Variants in CAPG observed in about 807,000 individuals in gnomAD.
The protein encoded by CAPG is capping actin protein, gelsolin like.
A neutral mutation model predicts 44.6 loss-of-function variants in CAPG; 32 were observed. That is an observed-to-expected ratio of 0.72 (90% CI 0.54 to 0.96). The LOEUF is 0.96. CAPG is among the 50% of genes least tolerant of loss of function. CAPG has a pLI of 0.00. For missense variants in CAPG, 412 were observed against 438.3 expected (o/e 0.94, Z 0.54); for synonymous variants, 175 against 179.6 (o/e 0.97, Z 0.20).
chr2:85,418,002 T>C (rs1479096052), intron 1 of CAPG, among the ~76,000 whole-genome samples: 1 of 152,174 alleles, frequency 6.6e-6, no homozygotes, highest in African/African-American at 2.4e-5. Context: ...CACGAGAGAC[T>C]TCCTCCCTCC....
chr2:85,393,994 GT>G (rs1158425076), downstream of CAPG, among the ~76,000 whole-genome samples: 2 of 152,218 alleles, frequency 1.3e-5, no homozygotes, highest in East Asian at 3.8e-4. Flanking sequence ...GGACCTGGGG[GT>G]GAGGATGAGT....
At chr2:85,400,313 C>CCT (rs779585651) in intron 5 of CAPG, among the ~76,000 whole-genome samples, 6 of 152,212 alleles carry the variant, frequency 3.9e-5, no homozygotes, top group Non-Finnish European at 8.8e-5. Context: ...CCAGGCAGAG[C>CCT]CCCTGTCACC....
chr2:85,417,311 G>T (rs1687577434), intron 1 of CAPG, among the ~76,000 whole-genome samples: 2 of 152,238 alleles, frequency 1.3e-5, no homozygotes, highest in South Asian at 4.2e-4. Context: ...TGAGGAAACA[G>T]AGATAAAGAG....
chr2:85,411,526 T>C (rs970573360), upstream of CAPG, among the ~76,000 whole-genome samples: 3 of 152,202 alleles, frequency 2.0e-5, no homozygotes, highest in Non-Finnish European at 4.4e-5. Context: ...GGACTCAGTA[T>C]GAGGCTCCAG....
At chr2:85,412,102 A>G (rs1197824017), upstream of CAPG, among the ~76,000 whole-genome samples, 1 of 151,976 alleles carries the variant, frequency 6.6e-6, no homozygotes, top group African/African-American at 2.4e-5. Flanking sequence ...TTTCTCATTG[A>G]AACGAAATTG....
chr2:85,395,477 G>A lies in CAPG; in HGVS notation c.981+61C>T. On this transcript the variant is annotated intron_variant, in intron 9 of 9. Transcript: ENST00000263867. The surrounding 1 kb of genome is among the most constrained non-coding windows in gnomAD (Gnocchi z 4.3). ...CTCCTGCCCTTCCTGGCCAATTTGA[G>A]GGGTCAGGGGCCACAGGAAGAGCCC... 7.1e-7 allele frequency: 1 copy of A among 1,404,136 alleles called. No individual in the cohort carries two copies. Among genetic ancestry groups the A allele is most frequent in the Middle Eastern group, 1.8e-4 (1 of 5,624 alleles). The allele number at this position is 1,404,136 out of a possible 1,614,324, so 87.0% of individuals were successfully genotyped here.
At chr2:85,393,832 G>A (rs1686472211), downstream of CAPG, among the ~76,000 whole-genome samples, 1 of 152,222 alleles carries the variant, frequency 6.6e-6, no homozygotes, top group Non-Finnish European at 1.5e-5. Flanking sequence ...CCAAAGTGCT[G>A]GGGTTATAGG....
Position 85,401,887 on chromosome 2 carries a change from C to G in CAPG, c.94G>C (p.Val32Leu). Residue 32 changes from valine (V) to leucine (L), a missense_variant, in exon 3 of 10, where the codon GTG becomes CTG. Transcript: ENST00000263867. Reference sequence around the variant, plus strand: ...CCCTGGTTCTCTTGCGCCACAGGCACCGGCTTCAGCTTCTCCACCCGCCAC... The same window carrying G: ...CCCTGGTTCTCTTGCGCCACAGGCAGCGGCTTCAGCTTCTCCACCCGCCAC... ...HVWRVEKLKP[V>L]PVAQENQGVF... is the part of the protein sequence containing the mutation. The G allele has an allele frequency of 6.2e-7, 1 of 1,614,078 alleles. No homozygotes were observed. The highest frequency in any genetic ancestry group is 8.5e-7 in the Non-Finnish European group (1 of 1,179,998).
downstream of CAPG, among the ~76,000 whole-genome samples, chr2:85,394,581 A>G (rs1468025044): frequency 1.3e-5 from 2 of 152,128 alleles, no homozygotes; most frequent in Admixed American, 6.5e-5. Context: ...CCACCTCCCT[A>G]TTGGGTTCAT....
intron 1 of CAPG, among the ~76,000 whole-genome samples, chr2:85,404,676 A>C (rs963141735): frequency 2.0e-5 from 3 of 152,126 alleles, no homozygotes; most frequent in African/African-American, 7.2e-5. Context: ...TGAACCCAGG[A>C]GGCAGAGGTT....
At chr2:85,393,501 G>T (rs1686459684), downstream of CAPG, among the ~76,000 whole-genome samples, 1 of 152,076 alleles carries the variant, frequency 6.6e-6, no homozygotes, top group Non-Finnish European at 1.5e-5. Context: ...CTTTGTGTAG[G>T]CTGTCAAGTA....
intron 8 of CAPG, 44 bp downstream of exon 8, chr2:85,397,976 G>A (rs748435743): frequency 1.9e-6 from 3 of 1,598,258 alleles, no homozygotes; most frequent in Non-Finnish European, 2.6e-6. Context: ...GCCCGGGTCA[G>A]AGCAGCTACA....
At chr2:85,410,096 C>T (rs902079916) in intron 1 of CAPG, among the ~76,000 whole-genome samples, 2 of 152,240 alleles carry the variant, frequency 1.3e-5, no homozygotes, top group African/African-American at 4.8e-5. Flanking sequence ...TCACAGCTGC[C>T]ATCAGATCAG....
In CAPG at chr2:85,396,936, G is replaced by A. The variant is rs542054531; in HGVS notation, c.892+1084C>T. ...ACCTTGGTTGACCCCACAACTGGGT[G>A]TTGAGCAAATGCTATTGCTGAAAAT... On this transcript the variant is annotated intron_variant, in intron 8 of 9. Coordinates refer to ENST00000263867, the MANE Select transcript of CAPG (RefSeq NM_001747.4). Among the ~76,000 whole-genome samples the A allele has an allele frequency of 2.0e-5, 3 of 152,266 alleles. No individual in the cohort carries two copies. The East Asian group carries it at 5.8e-4, about 29-fold the overall frequency.
chr2:85,398,779 G>T lies in CAPG; in HGVS notation c.670C>A (p.Leu224Met). The T allele has an allele frequency of 1.2e-6, 2 of 1,600,038 alleles. No individual in the cohort carries two copies. The highest frequency in any genetic ancestry group is 1.7e-5 in the Admixed American group (1 of 57,752). Residue 224 changes from leucine to methionine, a missense_variant, in exon 7 of 10, where the codon CTG becomes ATG. Physicochemically the swap from Leu to Met is conservative, Grantham distance 15 (BLOSUM62 2). Transcript: ENST00000263867. ...TCCTTCAGAGCAGGCTTGGGGCCCA[G>T]GACCTGCAGGGGCCAGGGCAGGCCA... ...GEEPAEMIQV[L>M]GPKPALKEGN...
intron 1 of CAPG, among the ~76,000 whole-genome samples, chr2:85,402,432 C>A (rs1686948846): frequency 6.6e-6 from 1 of 152,146 alleles, no homozygotes; most frequent in Admixed American, 6.6e-5. Context: ...AAAATAAAAG[C>A]AGAAATTAAC....
upstream of CAPG, among the ~76,000 whole-genome samples, chr2:85,411,959 G>A (rs72936684): frequency 0.016 from 2,430 of 151,850 alleles, 62 homozygotes; most frequent in African/African-American, 0.056. Flanking sequence ...CTACTGGAGC[G>A]ACTGAGGCAG....
Position 85,395,103 on chromosome 2 carries a change from C to T in CAPG, c.982-145G>A. 1 of 673,680 alleles carries T rather than the reference C, an allele frequency of 1.5e-6. No individual in the cohort carries two copies. The highest frequency in any genetic ancestry group is 2.7e-6 in the Non-Finnish European group (1 of 371,104). 41.7% of individuals were successfully genotyped at this position (673,680 alleles called of 1,614,324 possible). A position where few individuals can be genotyped will look rare whatever the true frequency, so the allele number is the denominator to read the frequency against. On this transcript the variant is annotated intron_variant, in intron 9 of 9. Coordinates refer to ENST00000263867, the MANE Select transcript of CAPG (RefSeq NM_001747.4). The surrounding 1 kb of genome is among the most constrained non-coding windows in gnomAD (Gnocchi z 4.3). The stretch of plus-strand genomic sequence containing the variant: ...TGCAGTCCAGGCTGGGAAAGCTCCC[C>T]TGGATGAGCCATGAGATGAGAACCA...
chr2:85,404,619 G>T (rs1030215043), intron 1 of CAPG, among the ~76,000 whole-genome samples: 6 of 151,988 alleles, frequency 3.9e-5, no homozygotes, highest in Admixed American at 1.3e-4. Flanking sequence ...ATGGTGGCAT[G>T]CGTCTGTAAT....
Sources: gnomAD v4.1 joint callset for allele counts (sites outside exome capture counted in the v4.1 genomes callset) on GRCh38, gnomAD v4.1.1 for gene constraint, Gnocchi (gnomAD v3.1) non-coding constraint, MANE v1.5 for transcripts, NCBI Gene and HGNC (gene_info 2026-07-23, HGNC 2026-07-21) for gene names.